Variants in SAMD5 observed in about 807,000 individuals in gnomAD.
SAMD5 encodes sterile alpha motif domain-containing protein 5.
SAMD5 carries 13 observed loss-of-function variants against 11.3 expected under a neutral mutation model. That is an observed-to-expected ratio of 1.15 (90% CI 0.75 to 1.83). The LOEUF is 1.83. Among genes scored for constraint, SAMD5 ranks in the 40% most tolerant of loss-of-function variants. The pLI is 0.00. For missense variants in SAMD5, 255 were observed against 239.1 expected (o/e 1.07, Z -0.44); for synonymous variants, 129 against 111.3 (o/e 1.16, Z -1.00).
At chr6:147,605,593 G>A (rs1789687615) in intron 1 of SAMD5, among the ~76,000 whole-genome samples, 1 of 152,154 alleles carries the variant, frequency 6.6e-6, no homozygotes. Flanking sequence ...AAAATAGAGT[G>A]AATGGGAGGG....
chr6:147,779,373 A>C, the SAMD5 span, among the ~76,000 whole-genome samples: 1 of 152,152 alleles, frequency 6.6e-6, no homozygotes, highest in African/African-American at 2.4e-5. Flanking sequence ...ATAATAAATA[A>C]TTGTATTAGT....
intron 1 of SAMD5, among the ~76,000 whole-genome samples, chr6:147,528,759 T>G (rs1387746511): frequency 6.6e-6 from 1 of 152,226 alleles, no homozygotes; most frequent in East Asian, 1.9e-4. Context: ...TGGTCTCCTC[T>G]AAATAGTTCA....
At chr6:147,731,332 A>G (rs1363438975) in intron 1 of SAMD5, among the ~76,000 whole-genome samples, 1 of 152,194 alleles carries the variant, frequency 6.6e-6, no homozygotes, top group Non-Finnish European at 1.5e-5. Flanking sequence ...AACATAGGTC[A>G]GTCAGAAGAA....
downstream of SAMD5, chr6:147,741,478 A>G (rs376632823): frequency 6.6e-5 from 10 of 152,326 alleles, no homozygotes; most frequent in African/African-American, 2.4e-4. Context: ...GCATATTCTG[A>G]ACTGTTGAAG....
At chr6:147,725,405 T>C (rs1791611415) in intron 1 of SAMD5, among the ~76,000 whole-genome samples, 1 of 105,742 alleles carries the variant, frequency 9.5e-6, no homozygotes. Context: ...TTTTTTTTTT[T>C]TGAGACCGAG....
intron 1 of SAMD5, among the ~76,000 whole-genome samples, chr6:147,610,951 C>A (rs1033754483): frequency 6.7e-6 from 1 of 150,062 alleles, no homozygotes; most frequent in Non-Finnish European, 1.5e-5. Context: ...CTTACTGCAA[C>A]CTCCGCCTCC....
the SAMD5 span, among the ~76,000 whole-genome samples, chr6:147,894,773 A>T: frequency 6.6e-6 from 1 of 152,172 alleles, no homozygotes; most frequent in African/African-American, 2.4e-5. Context: ...ATCTCACTTG[A>T]TACTCAAGAA....
At chr6:147,515,176 G>GTTTTTTTTTTT (rs71031029) in intron 1 of SAMD5, among the ~76,000 whole-genome samples, 27 of 75,040 alleles carry the variant, frequency 3.6e-4, no homozygotes, top group Non-Finnish European at 5.3e-4. Flanking sequence ...ATCCTTCCAG[G>GTTTTTTTTTTT]TTTTTTTTTT....
chr6:147,513,370 T>C (rs1419216981), intron 1 of SAMD5, among the ~76,000 whole-genome samples: 1 of 152,144 alleles, frequency 6.6e-6, no homozygotes, highest in Non-Finnish European at 1.5e-5. Flanking sequence ...ACTTAAATGA[T>C]TGTTTGGATG....
intron 1 of SAMD5, among the ~76,000 whole-genome samples, chr6:147,705,463 C>A (rs1360542383): frequency 6.6e-6 from 1 of 152,050 alleles, no homozygotes; most frequent in African/African-American, 2.4e-5. Context: ...TTTATGCTAT[C>A]ATATTATTTT....
the SAMD5 span, among the ~76,000 whole-genome samples, chr6:147,869,328 C>G: frequency 6.6e-6 from 1 of 152,164 alleles, no homozygotes. Context: ...CAAGGTTGTA[C>G]AGTTTCTCCA....
chr6:147,674,531 GTT>G (rs1194107041), intron 1 of SAMD5, among the ~76,000 whole-genome samples: 1 of 152,114 alleles, frequency 6.6e-6, no homozygotes, highest in Non-Finnish European at 1.5e-5. Context: ...TCCAACCAGG[GTT>G]TTGGGGTAGC....
chr6:147,610,659 C>G (rs1789769765), intron 1 of SAMD5, among the ~76,000 whole-genome samples: 1 of 152,128 alleles, frequency 6.6e-6, no homozygotes, highest in African/African-American at 2.4e-5. Context: ...TCAGGAGCAT[C>G]CTGATTGGCC....
intron 1 of SAMD5, among the ~76,000 whole-genome samples, chr6:147,721,776 T>G (rs1251280789): frequency 6.6e-6 from 1 of 152,230 alleles, no homozygotes; most frequent in Non-Finnish European, 1.5e-5. Flanking sequence ...AAAATCAATT[T>G]AAGCCAATTG....
intron 1 of SAMD5, among the ~76,000 whole-genome samples, chr6:147,688,557 T>C (rs924752789): frequency 6.6e-6 from 1 of 152,216 alleles, no homozygotes; most frequent in African/African-American, 2.4e-5. Flanking sequence ...AGAGCCTTTA[T>C]TGGGAGAGGT....
At position 147,568,616 on chromosome 6, in the gene SAMD5, G is replaced by A. The variant is rs1789082175; in HGVS notation, c.*4160G>A. ...TATCAGCTGACATCTTGTGCTTACA[G>A]TAAAGCCATATAGATGCACACATAG... On this transcript the variant is annotated 3_prime_UTR_variant, in exon 2 of 2. Coordinates refer to ENST00000367474, the MANE Select transcript of SAMD5 (RefSeq NM_001030060.3). 18 of 985,192 alleles carry A rather than the reference G, an allele frequency of 1.8e-5. No homozygotes were observed. The South Asian group carries it at 7.0e-4, about 39-fold the overall frequency. 61.0% of individuals were successfully genotyped at this position (985,192 alleles called of 1,614,324 possible).
intron 1 of SAMD5, among the ~76,000 whole-genome samples, chr6:147,549,017 C>T (rs1788727201): frequency 6.6e-6 from 1 of 152,124 alleles, no homozygotes; most frequent in South Asian, 2.1e-4. Flanking sequence ...TAAATCTTTT[C>T]CCTTAGTCAC....
chr6:147,700,571 G>A lies in SAMD5; in HGVS notation c.163-36746G>A, dbSNP rs1247253082. Among the ~76,000 whole-genome samples the A allele has an allele frequency of 4.3e-5, 6 of 138,376 alleles. No homozygotes were observed. The Admixed American group carries it at 4.8e-4, about 11-fold the overall frequency. The allele number at this position is 138,376 out of a possible 152,430, so 90.8% of individuals were successfully genotyped here. ...GTATAACAGGTCTGCATTTGCCTCTGTATCTCAGGCCCTGTCCACATGTGT... is the reference window on the plus strand; with the variant it reads ...GTATAACAGGTCTGCATTTGCCTCTATATCTCAGGCCCTGTCCACATGTGT... On this transcript the variant is annotated intron_variant, in intron 1 of 1. Transcript: ENST00000566741.
At chr6:147,651,551 A>G (rs1790483212) in intron 1 of SAMD5, among the ~76,000 whole-genome samples, 1 of 152,224 alleles carries the variant, frequency 6.6e-6, no homozygotes, top group Non-Finnish European at 1.5e-5. Flanking sequence ...AAAGAAGCAC[A>G]GGGAAGCTCC....
Sources: gnomAD v4.1 joint callset for allele counts (sites outside exome capture counted in the v4.1 genomes callset) on GRCh38, gnomAD v4.1.1 for gene constraint, MANE v1.5 for transcripts, NCBI Gene and HGNC (gene_info 2026-07-23, HGNC 2026-07-21) for gene names.